CSMD1: variants seen among roughly 807,000 people sequenced by gnomAD.
CSMD1 encodes CUB and Sushi multiple domains 1, also known as CUB and sushi domain-containing protein 1.
Under a neutral mutation model 417.5 loss-of-function variants are expected in CSMD1, and 213 were observed. The observed-to-expected ratio is 0.51, with a 90% CI of 0.46 to 0.57. The LOEUF (loss-of-function observed/expected upper bound fraction) is 0.57. Ranked by LOEUF, CSMD1 falls within the 20% of genes least tolerant of loss-of-function variation. The pLI is 0.00. For synonymous variants in CSMD1, 2,862 were observed against 1,736.8 expected (o/e 1.65, Z -16.11); for missense variants, 6,923 against 4,529.7 (o/e 1.53, Z -15.17).
chr8:4,347,515 C>A (rs1013987274), intron 3 of CSMD1, among the ~76,000 whole-genome samples: 1 of 152,086 alleles, frequency 6.6e-6, no homozygotes, highest in Non-Finnish European at 1.5e-5. Flanking sequence ...TATAATTTAC[C>A]AATGACATTA....
At chr8:4,027,874 C>A (rs1797144813) in intron 4 of CSMD1, among the ~76,000 whole-genome samples, 1 of 151,988 alleles carries the variant, frequency 6.6e-6, no homozygotes, top group Non-Finnish European at 1.5e-5. Flanking sequence ...ATAAAGAGAA[C>A]AAAGACACAG....
chr8:4,200,908 G>C (rs1045704822), intron 3 of CSMD1, among the ~76,000 whole-genome samples: 3 of 152,158 alleles, frequency 2.0e-5, no homozygotes, highest in Admixed American at 1.3e-4. Context: ...CGCTAAGCTA[G>C]TTTAAAGTAT....
chr8:3,035,823 A>C (rs973910733), intron 50 of CSMD1, among the ~76,000 whole-genome samples: 2 of 152,190 alleles, frequency 1.3e-5, no homozygotes, highest in South Asian at 2.1e-4. Flanking sequence ...TTGCCAGTTT[A>C]CCTTATATTT....
chr8:3,357,183 A>G (rs935803847), intron 21 of CSMD1, among the ~76,000 whole-genome samples: 5 of 152,202 alleles, frequency 3.3e-5, no homozygotes, highest in African/African-American at 1.2e-4. Flanking sequence ...GGGCTGGAGG[A>G]AAAATCAGGA....
In CSMD1 at chr8:3,189,951, C is replaced by T. The variant is rs1368159364; in HGVS notation, c.5359G>A (p.Ala1787Thr). The stretch of plus-strand genomic sequence containing the variant: ...ATCGTGTCGTTCCACTGTGCCAAGG[C>T]GTTGGGCACGGACTGGCAGTGGAGC... Reference protein sequence around the residue: ...TALHCQSVPNALAQWNDTIPS... With the variant: ...TALHCQSVPNTLAQWNDTIPS... Residue 1787 changes from alanine to threonine, a missense_variant, in exon 34 of 70, where the codon GCC becomes ACC. Transcript: ENST00000635120. The T allele has an allele frequency of 5.0e-6, 8 of 1,595,956 alleles. No individual in the cohort carries two copies. The highest frequency in any genetic ancestry group is 6.8e-6 in the Non-Finnish European group (8 of 1,171,662).
At position 4,749,815 on chromosome 8, in the gene CSMD1, A is replaced by G. The variant is rs183716479; in HGVS notation, c.86-112257T>C. Reference sequence around the variant, plus strand: ...CTGTATGACACATTGTTTAAACCATAAGATGTTTTGCTGGTAATTTGGAAA... The same window carrying G: ...CTGTATGACACATTGTTTAAACCATGAGATGTTTTGCTGGTAATTTGGAAA... On this transcript the variant is annotated intron_variant, in intron 1 of 69. Transcript: ENST00000635120. 4.4e-3 allele frequency among the ~76,000 whole-genome samples: 674 copies of G among 152,182 alleles called. 4 individuals are homozygous for G. The highest frequency in any genetic ancestry group is 0.016 in the African/African-American group (647 of 41,522).
chr8:3,239,020 G>A (rs955637875), intron 26 of CSMD1, among the ~76,000 whole-genome samples: 2 of 152,116 alleles, frequency 1.3e-5, no homozygotes, highest in Non-Finnish European at 2.9e-5. Flanking sequence ...GAATGAGACT[G>A]GGGCCTAAGA....
At chr8:4,261,143 C>T (rs1032549393) in intron 3 of CSMD1, among the ~76,000 whole-genome samples, 3 of 152,036 alleles carry the variant, frequency 2.0e-5, no homozygotes, top group Non-Finnish European at 4.4e-5. Flanking sequence ...TTTTTTCTCC[C>T]TTCTACTGGC....
intron 5 of CSMD1, among the ~76,000 whole-genome samples, chr8:3,800,172 T>A (rs936718210): frequency 1.2e-4 from 19 of 152,140 alleles, no homozygotes; most frequent in African/African-American, 4.3e-4. Context: ...CAAAAATCAG[T>A]GGCTAGACAT....
chr8:4,840,012 T>A (rs188187196), intron 1 of CSMD1, among the ~76,000 whole-genome samples: 1 of 152,284 alleles, frequency 6.6e-6, no homozygotes, highest in East Asian at 1.9e-4. Flanking sequence ...CTTTTTGTCC[T>A]GCATGCACAA....
intron 10 of CSMD1, among the ~76,000 whole-genome samples, chr8:3,571,660 C>T (rs565841910): frequency 6.6e-6 from 1 of 151,992 alleles, no homozygotes; most frequent in Non-Finnish European, 1.5e-5. Flanking sequence ...CTGCGCTCCC[C>T]GAGCTCGGGG....
rs182611318 is a variant in CSMD1 at position 4,214,921 on chromosome 8, C to T, written c.416-182822G>A. 7.9e-3 allele frequency among the ~76,000 whole-genome samples: 1,181 copies of T among 150,154 alleles called. 13 individuals are homozygous for T. The highest frequency in any genetic ancestry group is 0.01 in the Non-Finnish European group (687 of 66,560). ...AAGTTTTACAACTTGTTTTTGTTTT[C>T]AGCTCACTTTTAATGAGCACAAACG... On this transcript the variant is annotated intron_variant, in intron 3 of 69. Transcript: ENST00000635120.
intron 6 of CSMD1, among the ~76,000 whole-genome samples, chr8:3,725,312 C>A (rs1563313601): frequency 6.6e-6 from 1 of 152,154 alleles, no homozygotes; most frequent in Non-Finnish European, 1.5e-5. Flanking sequence ...AGTGCTATTT[C>A]AGTCATAGGG....
chr8:4,356,705 C>G (rs533640803), intron 3 of CSMD1, among the ~76,000 whole-genome samples: 4 of 152,086 alleles, frequency 2.6e-5, no homozygotes, highest in Non-Finnish European at 5.9e-5. Context: ...TCCTTCTCAC[C>G]GTGCTCTCCA....
At chr8:3,625,536 C>G (rs1015308456) in intron 7 of CSMD1, among the ~76,000 whole-genome samples, 5 of 152,146 alleles carry the variant, frequency 3.3e-5, no homozygotes, top group African/African-American at 9.7e-5. Context: ...GTTCTCTGGT[C>G]TCTAACTCAA....
At chr8:3,822,078 C>T (rs73506705) in intron 5 of CSMD1, among the ~76,000 whole-genome samples, 6,449 of 152,214 alleles carry the variant, frequency 0.042, 152 homozygotes, top group South Asian at 0.062. Context: ...TTAACTCTTC[C>T]TGAAATGTCC....
intron 2 of CSMD1, among the ~76,000 whole-genome samples, chr8:4,564,117 T>A (rs183662968): frequency 2.6e-5 from 4 of 152,332 alleles, no homozygotes; most frequent in Admixed American, 2.0e-4. Flanking sequence ...GGTCTTCCAA[T>A]ATTTATATTC....
intron 1 of CSMD1, among the ~76,000 whole-genome samples, chr8:4,649,821 C>G (rs1803770964): frequency 6.6e-6 from 1 of 152,172 alleles, no homozygotes; most frequent in South Asian, 2.1e-4. Flanking sequence ...ACTATTCTGA[C>G]CTGATACTAC....
intron 2 of CSMD1, among the ~76,000 whole-genome samples, chr8:4,460,448 A>C (rs957393998): frequency 2.0e-5 from 3 of 152,170 alleles, no homozygotes; most frequent in Non-Finnish European, 4.4e-5. Flanking sequence ...AGCTAAACTT[A>C]CGGTAAGCAG....
Sources: allele counts gnomAD v4.1 joint callset (sites outside exome capture counted in the v4.1 genomes callset), GRCh38; gene constraint gnomAD v4.1.1; transcripts MANE v1.5; gene names NCBI Gene and HGNC (gene_info 2026-07-23, HGNC 2026-07-21).